TGM2: variants seen among roughly 807,000 people sequenced by gnomAD.
TGM2 encodes the protein protein-glutamine gamma-glutamyltransferase 2.
In TGM2, 53 loss-of-function variants were observed where a neutral mutation model predicts 75.6. That is an observed-to-expected ratio of 0.70 (90% confidence interval 0.56 to 0.88). The LOEUF is 0.88. Ranked by LOEUF, TGM2 falls within the 40% of genes least tolerant of loss-of-function variation. The pLI, the probability that TGM2 is intolerant of heterozygous loss-of-function variation, is 0.00. For missense variants in TGM2, 842 were observed against 928.5 expected (o/e 0.91, Z 1.21); for synonymous variants, 374 against 381.1 (o/e 0.98, Z 0.22).
intron 8 of TGM2, among the ~76,000 whole-genome samples, chr20:38,140,992 C>T (rs143516319): frequency 1.3e-5 from 2 of 152,224 alleles, no homozygotes; most frequent in Non-Finnish European, 2.9e-5. Context: ...TCAGTGGAAG[C>T]TCGTGTGAAT....
intron 1 of TGM2, among the ~76,000 whole-genome samples, chr20:38,162,677 T>C (rs900502247): frequency 3.3e-5 from 5 of 152,224 alleles, no homozygotes; most frequent in Non-Finnish European, 7.3e-5. Context: ...ATAATGGTGA[T>C]ATCAAAGAAT....
chr20:38,149,692 A>AAAAAAAAAAAAAC (rs1555809515), intron 4 of TGM2, among the ~76,000 whole-genome samples: 6 of 147,244 alleles, frequency 4.1e-5, no homozygotes, highest in African/African-American at 1.3e-4. Flanking sequence ...AAAAAAAAAA[A>AAAAAAAAAAAAAC]AAAAAAAAAC....
chr20:38,158,990 T>C (rs2122963631), intron 2 of TGM2, among the ~76,000 whole-genome samples: 1 of 152,304 alleles, frequency 6.6e-6, no homozygotes, highest in East Asian at 1.9e-4. Context: ...AGATCTGGGC[T>C]CTTCCGTGGC....
At chr20:38,157,979 G>A (rs2075208125) in intron 2 of TGM2, among the ~76,000 whole-genome samples, 1 of 152,218 alleles carries the variant, frequency 6.6e-6, no homozygotes, top group Non-Finnish European at 1.5e-5. Flanking sequence ...TGGAAACTGA[G>A]GTTGAGAGGG....
intron 4 of TGM2, among the ~76,000 whole-genome samples, chr20:38,149,696 A>AAAAAAAAC (rs2075094187): frequency 2.7e-5 from 4 of 150,930 alleles, no homozygotes; most frequent in Middle Eastern, 3.4e-3. Context: ...AAAAAAAAAA[A>AAAAAAAAC]AAAAACAGGA....
chr20:38,151,746 TA>T (rs1186752512), intron 3 of TGM2, among the ~76,000 whole-genome samples: 1 of 152,166 alleles, frequency 6.6e-6, no homozygotes, highest in African/African-American at 2.4e-5. Flanking sequence ...AATGTTGTCT[TA>T]AAAAATGATT....
intron 6 of TGM2, among the ~76,000 whole-genome samples, chr20:38,145,198 A>C (rs943517581): frequency 6.6e-5 from 10 of 152,072 alleles, no homozygotes; most frequent in Admixed American, 3.9e-4. Context: ...GGCTGCCCTG[A>C]CCCAGCCTGC....
At chr20:38,136,402 T>C (rs1247090806) in intron 10 of TGM2, among the ~76,000 whole-genome samples, 3 of 152,144 alleles carry the variant, frequency 2.0e-5, no homozygotes, top group Non-Finnish European at 4.4e-5. Context: ...AAACAAACTC[T>C]GTAAACACAA....
At chr20:38,132,194 C>T (rs2074842262) in intron 11 of TGM2, 146 bp downstream of exon 11, 9 of 864,956 alleles carry the variant, frequency 1.0e-5, no homozygotes, top group South Asian at 4.8e-5. Context: ...TGCTTTTCTT[C>T]GATGAGGCTA....
At chr20:38,133,445 G>C (rs1312304829) in intron 10 of TGM2, 2 of 154,124 alleles carry the variant, frequency 1.3e-5, no homozygotes, top group South Asian at 4.1e-4. Flanking sequence ...CAGTGATATG[G>C]GGATGAGAAA....
At chr20:38,131,716 T>C (rs2074836619) in intron 11 of TGM2, among the ~76,000 whole-genome samples, 1 of 152,142 alleles carries the variant, frequency 6.6e-6, no homozygotes, top group Admixed American at 6.5e-5. Context: ...GTTTACCATT[T>C]AAGTGTAATT....
At chr20:38,152,374 A>G (rs967937988) in intron 3 of TGM2, among the ~76,000 whole-genome samples, 2 of 152,198 alleles carry the variant, frequency 1.3e-5, no homozygotes, top group African/African-American at 4.8e-5. Flanking sequence ...GTGTATTCTG[A>G]TCTTTGGCTC....
At position 38,138,290 on chromosome 20, in the gene TGM2, C is replaced by T. The variant is rs908425510; in HGVS notation, c.1438G>A (p.Gly480Ser). ...TCACTGCCCATGTTCATGCTCTGGC[C>T]CACACGGATCCGCATGGCCATCCCT... is the stretch of plus-strand genomic sequence containing the variant. Reference protein sequence around the residue: ...ETGMAMRIRVGQSMNMGSDFD... With the variant: ...ETGMAMRIRVSQSMNMGSDFD... The change falls in exon 10 of 13, where the codon GGC (glycine) becomes AGC (serine). Residue 480 changes from glycine (G) to serine (S), a missense_variant. By Grantham distance (56) the Gly-to-Ser change is moderately conservative. Transcript: ENST00000361475. The T allele has an allele frequency of 1.9e-6, 3 of 1,614,002 alleles. No homozygotes were observed. The African/African-American group carries it at 4.0e-5, about 22-fold the overall frequency.
intron 10 of TGM2, among the ~76,000 whole-genome samples, chr20:38,136,508 G>A (rs928530802): frequency 3.3e-5 from 5 of 152,196 alleles, no homozygotes; most frequent in Admixed American, 6.5e-5. Flanking sequence ...TCTTACCCCC[G>A]ATGGTCCTGC....
chr20:38,152,444 C>G (rs1479316766), intron 3 of TGM2, among the ~76,000 whole-genome samples: 1 of 152,138 alleles, frequency 6.6e-6, no homozygotes, highest in African/African-American at 2.4e-5. Flanking sequence ...CTGCAGCAGC[C>G]GGGGGGTGTG....
intron 4 of TGM2, 127 bp from the exon 5 acceptor site, chr20:38,148,216 G>T: frequency 4.0e-6 from 5 of 1,251,168 alleles, no homozygotes; most frequent in Non-Finnish European, 5.7e-6. Flanking sequence ...CACTCCGGCC[G>T]AGTCTACCAA....
chr20:38,132,298 G>C, intron 11 of TGM2, 42 bp downstream of exon 11: 1 of 1,612,988 alleles, frequency 6.2e-7, no homozygotes, highest in Non-Finnish European at 8.5e-7. Context: ...CCCCAGCGCT[G>C]AGCTGCCCTG....
At position 38,148,012 on chromosome 20, in the gene TGM2, GTCA is replaced by G; in HGVS notation, c.627_629del (p.Asp210del). The G allele has an allele frequency of 6.2e-7, 1 of 1,611,064 alleles. No homozygotes were observed. The highest frequency in any genetic ancestry group is 8.5e-7 in the Non-Finnish European group (1 of 1,178,802). On this transcript the variant is annotated inframe_deletion, in exon 5 of 13. Transcript: ENST00000361475. ...AGACGGGGCTGCTGCGGCGGGAGCA[GTCA>G]CGGCCGGCGTTCTTCAGGAACTTGG... is the stretch of plus-strand genomic sequence containing the variant.
intron 12 of TGM2, 24 bp from the exon 13 acceptor site, chr20:38,130,393 AGGAAAGG>A: frequency 6.4e-7 from 1 of 1,571,300 alleles, no homozygotes; most frequent in Non-Finnish European, 8.6e-7. Context: ...GGGGGTGGTG[AGGAAAGG>A]GGCCCAAGGC....
Sources: allele counts gnomAD v4.1 joint callset (sites outside exome capture counted in the v4.1 genomes callset), GRCh38; gene constraint gnomAD v4.1.1; transcripts MANE v1.5; gene names NCBI Gene and HGNC (gene_info 2026-07-23, HGNC 2026-07-21).